TRPM1: variants seen among roughly 807,000 people sequenced by gnomAD.
The protein encoded by TRPM1 is TRPM1-203 APA Isoform, Intron 10.
TRPM1 carries 113 observed loss-of-function variants against 149.4 expected under a neutral mutation model. That is an observed-to-expected ratio of 0.76 (90% confidence interval 0.65 to 0.88). The LOEUF (loss-of-function observed/expected upper bound fraction) is 0.88, where lower values mean the gene tolerates loss of function less well. Ranked by LOEUF, TRPM1 falls within the 40% of genes least tolerant of loss-of-function variation. The probability of loss-of-function intolerance (pLI) is 0.00; values close to 1 mark genes in which losing one functional copy is unlikely to be tolerated. For missense variants in TRPM1, 1,976 were observed against 2,038.7 expected (o/e 0.97, Z 0.59); for synonymous variants, 741 against 759.5 (o/e 0.98, Z 0.40).
intron 1 of TRPM1, among the ~76,000 whole-genome samples, chr15:31,150,596 C>A (rs1226611344): frequency 1.3e-5 from 2 of 152,002 alleles, no homozygotes; most frequent in African/African-American, 2.4e-5. Flanking sequence ...GCACCACGCC[C>A]AGAAAATTTT....
intron 27 of TRPM1, among the ~76,000 whole-genome samples, chr15:31,024,208 C>T (rs1257908672): frequency 2.0e-5 from 3 of 151,956 alleles, no homozygotes; most frequent in African/African-American, 4.8e-5. Flanking sequence ...AATGGTGATG[C>T]AGAAAATAAA....
chr15:31,088,579 G>T (rs2140994544), intron 1 of TRPM1, among the ~76,000 whole-genome samples: 1 of 152,328 alleles, frequency 6.6e-6, no homozygotes, highest in East Asian at 1.9e-4. Context: ...CTGCTGAAGT[G>T]AGCAAGGCCA....
intron 1 of TRPM1, among the ~76,000 whole-genome samples, chr15:31,136,442 G>A (rs1482629473): frequency 6.6e-6 from 1 of 152,196 alleles, no homozygotes; most frequent in Admixed American, 6.5e-5. Context: ...TCTCTTTCAA[G>A]CACATGGAAT....
chr15:31,001,357 G>A lies in TRPM1; in HGVS notation c.*465C>T, dbSNP rs1595966379. 2 of 146,834 alleles carry A rather than the reference G, an allele frequency of 1.4e-5. No individual in the cohort carries two copies. Among genetic ancestry groups the A allele is most frequent in the African/African-American group, 5.0e-5 (2 of 39,650 alleles). The allele number at this position is 146,834 out of a possible 1,614,324, so 9.1% of individuals were successfully genotyped here. A position where few individuals can be genotyped will look rare whatever the true frequency, so the allele number is the denominator to read the frequency against. Reference sequence around the variant, plus strand: ...ACTTTTTTTTTTTTTTTTAAGAGATGGGGTATCACTATGTTGCCCAGGCTG... The same window carrying A: ...ACTTTTTTTTTTTTTTTTAAGAGATAGGGTATCACTATGTTGCCCAGGCTG... On this transcript the variant is annotated 3_prime_UTR_variant, in exon 28 of 28. Coordinates refer to ENST00000256552, the MANE Select transcript of TRPM1 (RefSeq NM_001252024.2).
At chr15:31,083,844 T>C (rs1331970572) in intron 1 of TRPM1, among the ~76,000 whole-genome samples, 3 of 152,056 alleles carry the variant, frequency 2.0e-5, no homozygotes, top group Non-Finnish European at 4.4e-5. Flanking sequence ...CTCAGTCCCA[T>C]CTTGTGGAAC....
At chr15:31,091,594 G>GACC (rs2035241968) in intron 1 of TRPM1, among the ~76,000 whole-genome samples, 1 of 152,152 alleles carries the variant, frequency 6.6e-6, no homozygotes, top group Non-Finnish European at 1.5e-5. Context: ...CTGGGAGGCT[G>GACC]ACCGGGTGGG....
rs951137572 is a variant in TRPM1 at position 31,035,548 on chromosome 15, C to G, written c.2698G>C (p.Glu900Gln). Residue 900 changes from glutamate to glutamine, a missense_variant and splice_region_variant, in exon 21 of 28, where the codon GAG becomes CAG. Glu to Gln is a conservative substitution (Grantham distance 29, BLOSUM62 2). This residue lies in a region of TRPM1 where 1,332 missense variants were observed against 1,347.1 expected (regional missense o/e 0.99). Transcript: ENST00000256552. Reference protein sequence around the residue: ...IVSLALEKIREILMSEPGKLS... With the variant: ...IVSLALEKIRQILMSEPGKLS... ...GGGGAGGCCTTTGGAGTAGCCACCT[C>G]TCGTATCTTCTCTAACGCCAGGCTC... The G allele has an allele frequency of 6.2e-7, 1 of 1,614,184 alleles. No homozygotes were observed. The highest frequency in any genetic ancestry group is 8.5e-7 in the Non-Finnish European group (1 of 1,180,018).
In TRPM1 at chr15:31,002,919, T is replaced by G. The variant is rs1341889291; in HGVS notation, c.3781A>C (p.Arg1261=). 1 of 1,605,110 alleles carries G rather than the reference T, an allele frequency of 6.2e-7. No individual in the cohort carries two copies. The highest frequency in any genetic ancestry group is 8.5e-7 in the Non-Finnish European group (1 of 1,174,666). ...NALENLAGID[R]SDLIQARSRA... is the part of the protein sequence containing the mutation. ...GACCGTGCCTGGATCAGGTCAGACCTGTCGATTCCCGCAAGATTTTCAAGA... is the reference window on the plus strand; with the variant it reads ...GACCGTGCCTGGATCAGGTCAGACCGGTCGATTCCCGCAAGATTTTCAAGA... Residue 1261 remains arginine (R), a synonymous_variant, in exon 28 of 28, where the codon AGG becomes CGG. Coordinates refer to ENST00000256552, the MANE Select transcript of TRPM1 (RefSeq NM_001252024.2).
chr15:31,144,311 C>A (rs2036196168), intron 1 of TRPM1, among the ~76,000 whole-genome samples: 1 of 152,128 alleles, frequency 6.6e-6, no homozygotes, highest in Admixed American at 6.5e-5. Context: ...GTGGCACATG[C>A]CTGTAGTCCC....
rs913234475 is a variant in TRPM1 at position 31,031,140 on chromosome 15, G to A, written c.2970C>T (p.Tyr990=). The A allele has an allele frequency of 8.7e-6, 14 of 1,614,190 alleles. No individual in the cohort carries two copies. Among genetic ancestry groups the A allele is most frequent in the Non-Finnish European group, 1.2e-5 (14 of 1,180,022 alleles). The change falls in exon 23 of 28, where the codon TAC becomes TAT. Residue 990 remains tyrosine, a synonymous_variant. Transcript: ENST00000256552. ...GCACGACCAGCATGATGACCACAAAGTACAGCATGTCGATCATCTGAGTAA... is the reference window on the plus strand; with the variant it reads ...GCACGACCAGCATGATGACCACAAAATACAGCATGTCGATCATCTGAGTAA... ...MIGKMMIDML[Y]FVVIMLVVLM...
intron 21 of TRPM1, 140 bp downstream of exon 21, chr15:31,035,406 A>G: frequency 8.0e-7 from 1 of 1,249,910 alleles, no homozygotes; most frequent in Non-Finnish European, 1.2e-6. Flanking sequence ...TCAGCCTCCC[A>G]GAGTGCTGGG....
chr15:31,147,053 G>A (rs911940049), intron 1 of TRPM1, among the ~76,000 whole-genome samples: 2 of 150,502 alleles, frequency 1.3e-5, no homozygotes, highest in Non-Finnish European at 3.0e-5. Flanking sequence ...CCCTTTTTCT[G>A]CCTATGAAGC....
chr15:31,152,241 T>G (rs1254584333), intron 1 of TRPM1, among the ~76,000 whole-genome samples: 2 of 152,250 alleles, frequency 1.3e-5, no homozygotes, highest in African/African-American at 4.8e-5. Flanking sequence ...TGCCTGGGTC[T>G]GAAGTGCCCC....
chr15:31,070,666 C>T (rs985967131), intron 3 of TRPM1, among the ~76,000 whole-genome samples: 3 of 152,094 alleles, frequency 2.0e-5, no homozygotes, highest in African/African-American at 7.2e-5. Context: ...GTGATCCTCT[C>T]ACCTCAGCCT....
rs76242692 is a variant in TRPM1 at position 31,094,661 on chromosome 15, G to T, written c.-84+6996C>A. On this transcript the variant is annotated intron_variant, in intron 1 of 27. Coordinates refer to ENST00000256552, the MANE Select transcript of TRPM1 (RefSeq NM_001252024.2). ...GGGAAAAGCAAATCAAAACCATGAT[G>T]AGGTGCCACTTCATTCCTACTAGGA... Among the ~76,000 whole-genome samples, 1,432 of 152,292 alleles carry T rather than the reference G, an allele frequency of 9.4e-3. 24 individuals are homozygous for T. Among genetic ancestry groups the T allele is most frequent in the Non-Finnish European group, 0.011 (763 of 68,016 alleles).
chr15:31,113,213 G>T (rs1036529195), intron 1 of TRPM1, among the ~76,000 whole-genome samples: 1 of 152,104 alleles, frequency 6.6e-6, no homozygotes, highest in Non-Finnish European at 1.5e-5. Flanking sequence ...TAACTCACAG[G>T]AGTGAATCTC....
intron 16 of TRPM1, among the ~76,000 whole-genome samples, chr15:31,043,792 A>G (rs7169580): frequency 0.02 from 3,051 of 152,310 alleles, 98 homozygotes; most frequent in African/African-American, 0.068. Context: ...AACATCTAAT[A>G]TTATTAAAAT....
intron 1 of TRPM1, among the ~76,000 whole-genome samples, chr15:31,136,479 C>T (rs1310462142): frequency 6.6e-6 from 1 of 152,230 alleles, no homozygotes; most frequent in African/African-American, 2.4e-5. Context: ...CCAGTTCCCA[C>T]CCTCTACGAG....
rs2031779471 is a variant in TRPM1, at chr15:31,001,940, C to T, written c.4760G>A (p.Gly1587Glu). ...GGCATGTCCAGATCTGTCTAACTTT[C>T]CCTGAATGGATTTCACATTCCTAGG... ...GHPRNVKSIQ[G>E]KLDRSGHASS... Residue 1587 changes from glycine (G) to glutamate (E), a missense_variant, in exon 28 of 28, where the codon GGA (glycine) becomes GAA (glutamate). This residue lies in a region of TRPM1 where 572 missense variants were observed against 578.9 expected (regional missense o/e 0.99). Transcript: ENST00000256552. The T allele has an allele frequency of 1.2e-6, 2 of 1,614,008 alleles. No homozygotes were observed. The highest frequency in any genetic ancestry group is 1.3e-5 in the African/African-American group (1 of 74,912).
Sources: gnomAD v4.1 joint callset for allele counts (sites outside exome capture counted in the v4.1 genomes callset) on GRCh38, gnomAD v4.1.1 for gene constraint, gnomAD v4.1.1 regional missense constraint, MANE v1.5 for transcripts, NCBI Gene and HGNC (gene_info 2026-07-23, HGNC 2026-07-21) for gene names.